CAPRIN1: variants seen among roughly 807,000 people sequenced by gnomAD.
CAPRIN1 encodes the protein caprin-1.
A neutral mutation model predicts 100.9 loss-of-function variants in CAPRIN1; 29 were observed. The observed-to-expected ratio is 0.29, with a 90% confidence interval of 0.21 to 0.39. The LOEUF (loss-of-function observed/expected upper bound fraction) is 0.39. Among genes scored for constraint, CAPRIN1 ranks in the 10% least tolerant of loss-of-function variants. The pLI is 1.00. For synonymous variants in CAPRIN1, 338 were observed against 307.5 expected, an observed-to-expected ratio of 1.10 and a Z score of -1.04; for missense variants, 795 against 876.7, an observed-to-expected ratio of 0.91 and a Z score of 1.18.
chr11:34,087,904 T>C (rs1851181045), intron 11 of CAPRIN1, among the ~76,000 whole-genome samples: 1 of 152,250 alleles, frequency 6.6e-6, no homozygotes, highest in African/African-American at 2.4e-5. Context: ...TTTGATTATC[T>C]GTTTAATCAT....
intron 6 of CAPRIN1, 70 bp from the exon 7 acceptor site, chr11:34,079,558 A>AT: frequency 1.6e-6 from 2 of 1,254,064 alleles, no homozygotes; most frequent in Non-Finnish European, 2.3e-6. Flanking sequence ...ATTTTATAGA[A>AT]TGTTGGATCT....
chr11:34,095,294 A>G (rs1851348690), intron 15 of CAPRIN1, among the ~76,000 whole-genome samples: 1 of 152,194 alleles, frequency 6.6e-6, no homozygotes, highest in African/African-American at 2.4e-5. Flanking sequence ...TTGTACATGG[A>G]TACACATGAA....
chr11:34,058,820 T>TG (rs1455731177), intron 2 of CAPRIN1, among the ~76,000 whole-genome samples: 3 of 152,228 alleles, frequency 2.0e-5, no homozygotes, highest in Non-Finnish European at 4.4e-5. Flanking sequence ...TACTCCAGCT[T>TG]GGTATGTTGT....
chr11:34,081,255 C>T (rs944537270), intron 7 of CAPRIN1, among the ~76,000 whole-genome samples: 8 of 149,662 alleles, frequency 5.3e-5, no homozygotes, highest in Admixed American at 2.7e-4. Context: ...GGCTGGAGTG[C>T]AGTGGTGTGA....
intron 15 of CAPRIN1, among the ~76,000 whole-genome samples, chr11:34,093,322 C>G (rs995593449): frequency 1.3e-5 from 2 of 151,938 alleles, no homozygotes; most frequent in African/African-American, 4.8e-5. Flanking sequence ...TAACTCCCCA[C>G]AAGTAGCTTG....
intron 2 of CAPRIN1, among the ~76,000 whole-genome samples, chr11:34,060,573 G>C (rs1850557467): frequency 6.6e-6 from 1 of 152,166 alleles, no homozygotes; most frequent in Admixed American, 6.6e-5. Flanking sequence ...AACCCTTTGG[G>C]CTTACACTTT....
chr11:34,083,102 T>G, intron 9 of CAPRIN1, 61 bp downstream of exon 9: 6 of 1,087,102 alleles, frequency 5.5e-6, no homozygotes, highest in Non-Finnish European at 8.5e-6. Context: ...TTTTTATCTC[T>G]ACTGAGAACA....
chr11:34,054,865 TG>T (rs1421574145), intron 2 of CAPRIN1, among the ~76,000 whole-genome samples: 1 of 152,222 alleles, frequency 6.6e-6, no homozygotes, highest in Non-Finnish European at 1.5e-5. Context: ...ACATTAATAA[TG>T]TGTTAATACT....
chr11:34,065,197 C>T (rs1335711835), intron 2 of CAPRIN1, among the ~76,000 whole-genome samples: 2 of 151,976 alleles, frequency 1.3e-5, no homozygotes, highest in African/African-American at 2.4e-5. Context: ...CTCCCGACCT[C>T]GTGATCTGCC....
In CAPRIN1 at chr11:34,082,957, T is replaced by C. The variant is rs1293194765; in HGVS notation, c.882T>C (p.Tyr294=). 1.2e-6 allele frequency: 2 copies of C among 1,613,558 alleles called. No homozygotes were observed. Among genetic ancestry groups the C allele is most frequent in the East Asian group, 2.2e-5 (1 of 44,884 alleles). ...CAAACATTTACTTTGCTTTGCAGTA[T>C]GTAAATAGACAGTTCATGGCAGAAA... The part of the protein sequence containing the change: ...TEQSEVESTE[Y]VNRQFMAETQ... The change falls in exon 9 of 19, where the codon TAT becomes TAC. Residue 294 remains tyrosine (Y), a splice_region_variant and synonymous_variant. Coordinates refer to ENST00000341394, the MANE Select transcript of CAPRIN1 (RefSeq NM_005898.5).
intron 11 of CAPRIN1, among the ~76,000 whole-genome samples, chr11:34,086,704 C>T (rs1189983064): frequency 1.3e-5 from 2 of 152,152 alleles, no homozygotes; most frequent in East Asian, 3.8e-4. Context: ...AGAAATGAAA[C>T]ATTACCAGTA....
intron 11 of CAPRIN1, among the ~76,000 whole-genome samples, chr11:34,087,843 ACT>A (rs1214152956): frequency 6.6e-6 from 1 of 152,020 alleles, no homozygotes; most frequent in Non-Finnish European, 1.5e-5. Flanking sequence ...AGTCCATTAG[ACT>A]CTCCAGTGAA....
intron 15 of CAPRIN1, chr11:34,096,033 TAAAA>T (rs889188148): frequency 1.3e-5 from 2 of 152,028 alleles, no homozygotes; most frequent in African/African-American, 4.8e-5. Flanking sequence ...TTTTACTAAG[TAAAA>T]AAAAGGATAT....
At chr11:34,063,926 G>A (rs1850631733) in intron 2 of CAPRIN1, among the ~76,000 whole-genome samples, 1 of 152,010 alleles carries the variant, frequency 6.6e-6, no homozygotes, top group African/African-American at 2.4e-5. Flanking sequence ...GTGCCACCAT[G>A]CCTGGCTAAT....
intron 13 of CAPRIN1, 23 bp from the exon 14 acceptor site, chr11:34,090,506 G>A: frequency 6.2e-7 from 1 of 1,604,764 alleles, no homozygotes. Flanking sequence ...CCGCTAAAGT[G>A]CATCTATTCA....
chr11:34,092,353 G>A (rs982980709), intron 15 of CAPRIN1, among the ~76,000 whole-genome samples: 1 of 150,684 alleles, frequency 6.6e-6, no homozygotes, highest in African/African-American at 2.5e-5. Context: ...TTACCATAAA[G>A]TGTACTTTTT....
chr11:34,079,905 G>GC (rs1850980473), intron 7 of CAPRIN1, 140 bp downstream of exon 7: 8 of 316,654 alleles, frequency 2.5e-5, no homozygotes, highest in African/African-American at 2.3e-4. Flanking sequence ...GCATGACAAA[G>GC]TTTTTTTTTT....
chr11:34,090,255 A>G lies in CAPRIN1; in HGVS notation c.1370A>G (p.Gln457Arg). 1 of 1,613,938 alleles carries G rather than the reference A, an allele frequency of 6.2e-7. No individual in the cohort carries two copies. The highest frequency in any genetic ancestry group is 8.5e-7 in the Non-Finnish European group (1 of 1,179,826). ...TACCAGCCTTCTCATGCTACAGAGC[A>G]ACGACCACAGAAGGAACCAATTGAT... ...PLYQPSHATE[Q>R]RPQKEPIDQI... is the part of the protein sequence containing the mutation. Residue 457 changes from glutamine (Q) to arginine (R), a missense_variant, in exon 13 of 19, where the codon CAA (glutamine) becomes CGA (arginine). Gln to Arg is a conservative substitution (Grantham distance 43). Around this residue, in one of 3 missense-constraint regions of CAPRIN1, gnomAD observed 648 missense variants for 697.9 expected, o/e 0.93. Coordinates refer to ENST00000341394, the MANE Select transcript of CAPRIN1 (RefSeq NM_005898.5).
chr11:34,095,190 C>T (rs540350108), intron 15 of CAPRIN1, among the ~76,000 whole-genome samples: 2 of 152,206 alleles, frequency 1.3e-5, no homozygotes, highest in African/African-American at 4.8e-5. Context: ...GCCACTACAC[C>T]CAGCCTGGCT....
Sources: gnomAD v4.1 joint callset for allele counts (sites outside exome capture counted in the v4.1 genomes callset) on GRCh38, gnomAD v4.1.1 for gene constraint, gnomAD v4.1.1 regional missense constraint, MANE v1.5 for transcripts, NCBI Gene and HGNC (gene_info 2026-07-23, HGNC 2026-07-21) for gene names.